Variants in PAM observed in about 807,000 individuals in gnomAD.
The protein encoded by PAM is peptidylglycine alpha-amidating monooxygenase.
A neutral mutation model predicts 122.1 loss-of-function variants in PAM; 72 were observed. The ratio of observed to expected loss-of-function variants is 0.59; its 90% CI spans 0.49 to 0.72. PAM has a LOEUF of 0.72. PAM is among the 30% of genes least tolerant of loss of function. The pLI is 0.00. For missense variants in PAM, 1,106 were observed against 1,183.7 expected (o/e 0.93, Z 0.96); for synonymous variants, 389 against 404.4 (o/e 0.96, Z 0.46).
Position 103,005,181 on chromosome 5 carries a change from A to G in PAM, c.1758A>G (p.Ile586Met). Residue 586 changes from isoleucine to methionine, a missense_variant, in exon 18 of 26, where the codon ATA becomes ATG. Ile to Met is a conservative substitution (Grantham distance 10). Coordinates refer to ENST00000438793, the MANE Select transcript of PAM (RefSeq NM_001177306.2). ...NLFYLPHGLS[I>M]DKDGNYWVTD... ...TTTACTTGCCACATGGCTTGAGTATAGATAAAGATGGGAATTATTGGGTCA... is the reference window on the plus strand; with the variant it reads ...TTTACTTGCCACATGGCTTGAGTATGGATAAAGATGGGAATTATTGGGTCA... 6.5e-7 allele frequency: 1 copy of G among 1,546,436 alleles called. No homozygotes were observed. The highest frequency in any genetic ancestry group is 8.9e-7 in the Non-Finnish European group (1 of 1,120,124).
At chr5:103,007,192 T>TACACAC (rs56140031) in intron 19 of PAM, among the ~76,000 whole-genome samples, 181 bp downstream of exon 19, 4,735 of 141,534 alleles carry the variant, frequency 0.033, 192 homozygotes, top group African/African-American at 0.094. Context: ...CACATATACA[T>TACACAC]ACACACACAC....
intron 1 of PAM, among the ~76,000 whole-genome samples, chr5:102,816,876 C>A (rs1239790724): frequency 6.6e-6 from 1 of 152,126 alleles, no homozygotes; most frequent in African/African-American, 2.4e-5. Flanking sequence ...TTGAACCTCT[C>A]TCATGAGCTC....
In PAM at chr5:102,946,874, C is replaced by G; in HGVS notation, c.564C>G (p.Leu188=). ...ACTGTTCTGGTGTGTCCTTACACCT[C>G]ACACGTCTGCCGTAAGTACTTCCAT... The part of the protein sequence containing the change: ...NKDCSGVSLH[L]TRLPQPLIAG... Residue 188 remains leucine (L), a synonymous_variant, in exon 8 of 26, where the codon CTC becomes CTG. Transcript: ENST00000438793. 6.2e-7 allele frequency: 1 copy of G among 1,600,514 alleles called. No homozygotes were observed. The highest frequency in any genetic ancestry group is 8.6e-7 in the Non-Finnish European group (1 of 1,168,436).
At chr5:102,779,628 T>G (rs1188870801) in intron 1 of PAM, among the ~76,000 whole-genome samples, 3 of 152,034 alleles carry the variant, frequency 2.0e-5, no homozygotes. Context: ...AGACCCACCC[T>G]TAATCTGGTG....
intron 1 of PAM, among the ~76,000 whole-genome samples, chr5:102,857,455 C>T (rs1468441923): frequency 6.6e-6 from 1 of 152,122 alleles, no homozygotes; most frequent in African/African-American, 2.4e-5. Context: ...CCCATGCAGG[C>T]CAAACCAAAT....
chr5:102,917,416 T>C (rs1476423338), intron 5 of PAM, among the ~76,000 whole-genome samples: 1 of 152,228 alleles, frequency 6.6e-6, no homozygotes, highest in African/African-American at 2.4e-5. Flanking sequence ...TGAAGACTCC[T>C]AAACTTTCAC....
rs113135454 is a variant in PAM, at chr5:102,913,582, A to G, written c.269-352A>G. Among the ~76,000 whole-genome samples, 382 of 152,080 alleles carry G rather than the reference A, an allele frequency of 2.5e-3. 3 individuals carry two copies. The highest frequency in any genetic ancestry group is 8.5e-3 in the African/African-American group (355 of 41,546). ...TGTTGAGCAGTGTTTTATGATACTC[A>G]GCACTGTACTGATGTCTAAAAGGAA... On this transcript the variant is annotated intron_variant, in intron 4 of 25. Coordinates refer to ENST00000438793, the MANE Select transcript of PAM (RefSeq NM_001177306.2).
intron 7 of PAM, among the ~76,000 whole-genome samples, chr5:102,935,372 A>G (rs1752914856): frequency 6.6e-6 from 1 of 152,116 alleles, no homozygotes; most frequent in Non-Finnish European, 1.5e-5. Context: ...TTTCTAAGGC[A>G]GCACATGTAA....
intron 1 of PAM, among the ~76,000 whole-genome samples, chr5:102,802,565 C>T (rs1765066444): frequency 6.6e-6 from 1 of 152,072 alleles, no homozygotes; most frequent in Non-Finnish European, 1.5e-5. Flanking sequence ...TTTCATAGCA[C>T]ATAGCATGTT....
chr5:102,914,200 A>G (rs548209161), intron 5 of PAM, among the ~76,000 whole-genome samples, 179 bp downstream of exon 5: 1 of 152,192 alleles, frequency 6.6e-6, no homozygotes, highest in East Asian at 1.9e-4. Context: ...TTAGTCTGCT[A>G]TAGAGCATAT....
intron 14 of PAM, among the ~76,000 whole-genome samples, chr5:102,965,389 G>A (rs1338204949): frequency 6.6e-6 from 1 of 151,344 alleles, no homozygotes; most frequent in African/African-American, 2.4e-5. Flanking sequence ...GGAAGCAAAA[G>A]TCTACACAAT....
intron 3 of PAM, among the ~76,000 whole-genome samples, chr5:102,875,782 G>A (rs970944871): frequency 3.3e-5 from 5 of 152,132 alleles, no homozygotes; most frequent in African/African-American, 1.2e-4. Flanking sequence ...TAAATGAATG[G>A]CTTGGCTTTG....
chr5:102,951,253 TTAGTC>T lies in PAM; in HGVS notation c.905+436_905+440del, dbSNP rs558916434. Among the ~76,000 whole-genome samples the T allele has an allele frequency of 2.4e-4, 37 of 152,182 alleles. No individual in the cohort carries two copies. The East Asian group carries it at 6.8e-3, about 28-fold the overall frequency. ...CGTGAATTTAATAATTTCCAGTTGTTTAGTCTACTAAATAAGGATAATAATATGCA... is the reference window on the plus strand; with the variant it reads ...CGTGAATTTAATAATTTCCAGTTGTTTACTAAATAAGGATAATAATATGCA... On this transcript the variant is annotated intron_variant, in intron 12 of 25. Transcript: ENST00000438793.
chr5:102,842,205 A>AATATATATATATATATATATATATATAT (rs71226933), intron 1 of PAM, among the ~76,000 whole-genome samples: 26 of 143,014 alleles, frequency 1.8e-4, no homozygotes, highest in African/African-American at 6.5e-4. Flanking sequence ...ATACAACCTA[A>AATATATATATATATATATATATATATAT]ATATATATAT....
chr5:103,020,743 T>G (rs998871197), intron 23 of PAM, among the ~76,000 whole-genome samples: 1 of 152,170 alleles, frequency 6.6e-6, no homozygotes. Flanking sequence ...ACTTGTTTTC[T>G]TTTCTCATCA....
rs556933901 is a variant in PAM, at chr5:102,965,928, G to A, written c.1162+4699G>A. 2.0e-5 allele frequency among the ~76,000 whole-genome samples: 3 copies of A among 152,160 alleles called. No homozygotes were observed. The South Asian group carries it at 6.2e-4, about 32-fold the overall frequency. On this transcript the variant is annotated intron_variant, in intron 14 of 25. Coordinates refer to ENST00000438793, the MANE Select transcript of PAM (RefSeq NM_001177306.2). ...ACACAATAGTCTACTGTCAAAGCCTGCTAAAGTTACAGTTGTAAACAGTTT... is the reference window on the plus strand; with the variant it reads ...ACACAATAGTCTACTGTCAAAGCCTACTAAAGTTACAGTTGTAAACAGTTT...
intron 1 of PAM, among the ~76,000 whole-genome samples, chr5:102,792,152 G>A (rs1327965233): frequency 6.6e-6 from 1 of 151,864 alleles, no homozygotes; most frequent in Non-Finnish European, 1.5e-5. Context: ...ATTTAAACAT[G>A]GTATGTATGG....
intron 1 of PAM, among the ~76,000 whole-genome samples, chr5:102,783,785 C>T (rs1477561366): frequency 6.6e-6 from 1 of 152,128 alleles, no homozygotes; most frequent in Non-Finnish European, 1.5e-5. Context: ...CAGCGCCTGC[C>T]GTCAGGGAGC....
intron 11 of PAM, 99 bp downstream of exon 11, chr5:102,950,077 A>G: frequency 2.8e-6 from 2 of 715,782 alleles, no homozygotes; most frequent in South Asian, 1.7e-5. Flanking sequence ...TTCTCTAAAA[A>G]TCTCTAAATC....
Sources: allele counts gnomAD v4.1 joint callset (sites outside exome capture counted in the v4.1 genomes callset), GRCh38; gene constraint gnomAD v4.1.1; transcripts MANE v1.5; gene names NCBI Gene and HGNC (gene_info 2026-07-23, HGNC 2026-07-21).